The following NRDC variants were observed in gnomAD, a reference collection of about 807,000 sequenced individuals.
NRDC encodes the protein nardilysin.
Under a neutral mutation model 147.1 loss-of-function variants are expected in NRDC, and 54 were observed. That is an observed-to-expected ratio of 0.37 (90% confidence interval 0.29 to 0.46). The LOEUF (loss-of-function observed/expected upper bound fraction) is 0.46. Ranked by LOEUF, NRDC falls within the 20% of genes least tolerant of loss-of-function variation. The pLI, the probability that NRDC is intolerant of heterozygous loss-of-function variation, is 1.00. For synonymous variants in NRDC, 440 were observed against 482.1 expected, an observed-to-expected ratio of 0.91 and a Z score of 1.14; for missense variants, 1,082 against 1,370.6, an observed-to-expected ratio of 0.79 and a Z score of 3.33.
intron 9 of NRDC, among the ~76,000 whole-genome samples, chr1:51,819,344 T>C (rs1368520723): frequency 6.6e-6 from 1 of 152,056 alleles, no homozygotes; most frequent in Admixed American, 6.6e-5. Flanking sequence ...CTCTTCATGG[T>C]AAGATTTAAG....
intron 19 of NRDC, among the ~76,000 whole-genome samples, chr1:51,804,929 C>T (rs180729074): frequency 2.0e-5 from 3 of 152,238 alleles, no homozygotes; most frequent in Non-Finnish European, 2.9e-5. Flanking sequence ...GACACATTTC[C>T]GAAGTATCAA....
In NRDC at chr1:51,823,715, A is replaced by C. The variant is rs1680312955; in HGVS notation, c.1108T>G (p.Trp370Gly). 1.2e-6 allele frequency: 2 copies of C among 1,607,686 alleles called. No individual in the cohort carries two copies. The highest frequency in any genetic ancestry group is 8.5e-7 in the Non-Finnish European group (1 of 1,174,324). Reference sequence around the variant, plus strand: ...TAATGAGAAGAGTAGTAACGCATCCAGAATTCTCTCAATCTAGCATGTGTA... The same window carrying C: ...TAATGAGAAGAGTAGTAACGCATCCCGAATTCTCTCAATCTAGCATGTGTA... ...IDTHARLREF[W>G]MRYYSSHYMT... The change falls in exon 7 of 31, where the codon TGG becomes GGG. Residue 370 changes from tryptophan (W) to glycine (G), a missense_variant. Coordinates refer to ENST00000352171, the MANE Select transcript of NRDC (RefSeq NM_001101662.2).
chr1:51,874,969 T>C (rs905313476), intron 1 of NRDC, among the ~76,000 whole-genome samples: 2 of 152,212 alleles, frequency 1.3e-5, no homozygotes, highest in South Asian at 2.1e-4. Context: ...TCAAAAGATA[T>C]ATAATATGAT....
chr1:51,853,240 T>C (rs1247221692), intron 1 of NRDC, among the ~76,000 whole-genome samples: 1 of 150,234 alleles, frequency 6.7e-6, no homozygotes, highest in African/African-American at 2.4e-5. Context: ...TATATATATA[T>C]TATATAAAAG....
intron 1 of NRDC, among the ~76,000 whole-genome samples, chr1:51,863,149 C>A (rs1682637424): frequency 6.6e-6 from 1 of 151,864 alleles, no homozygotes; most frequent in African/African-American, 2.4e-5. Flanking sequence ...CACCTGTAAT[C>A]CCAGCACTTT....
In NRDC at chr1:51,841,756, G is replaced by A. The variant is rs565974730; in HGVS notation, c.342-1242C>T. 3.3e-5 allele frequency among the ~76,000 whole-genome samples: 5 copies of A among 152,272 alleles called. No homozygotes were observed. The East Asian group carries it at 9.6e-4, about 29-fold the overall frequency. On this transcript the variant is annotated intron_variant, in intron 1 of 30. Coordinates refer to ENST00000352171, the MANE Select transcript of NRDC (RefSeq NM_001101662.2). ...CACTGTCTAATAATGAGATGAGCCA[G>A]TATAATACAGAATGACAGAGATAAA... is the stretch of plus-strand genomic sequence containing the variant.
At chr1:51,811,226 C>T (rs1615838) in intron 15 of NRDC, among the ~76,000 whole-genome samples, 3,123 of 152,226 alleles carry the variant, frequency 0.021, 92 homozygotes, top group African/African-American at 0.071. Flanking sequence ...AGTTTAGGAA[C>T]GTCTATGCTA....
In NRDC at chr1:51,816,303, A is replaced by G; in HGVS notation, c.1439+9T>C. The G allele has an allele frequency of 6.4e-7, 1 of 1,568,760 alleles. No individual in the cohort carries two copies. The highest frequency in any genetic ancestry group is 1.2e-5 in the South Asian group (1 of 85,580). On this transcript the variant is annotated intron_variant, in intron 11 of 30. Coordinates refer to ENST00000352171, the MANE Select transcript of NRDC (RefSeq NM_001101662.2). ...CTATACTGAAAATACTTATTAATTG[A>G]ATACTTGCTTTTTCCTAAGGAAAGA...
chr1:51,817,956 C>T (rs1003133610), intron 10 of NRDC, 110 bp downstream of exon 10: 20 of 729,436 alleles, frequency 2.7e-5, no homozygotes, highest in Admixed American at 1.8e-4. Flanking sequence ...TCCAGGTTAC[C>T]GTATTGCTAT....
intron 1 of NRDC, among the ~76,000 whole-genome samples, chr1:51,875,824 A>G (rs903889896): frequency 2.6e-5 from 4 of 151,990 alleles, no homozygotes; most frequent in African/African-American, 9.7e-5. Context: ...AAGTGCTGGG[A>G]TTACAGGCAT....
intron 1 of NRDC, among the ~76,000 whole-genome samples, chr1:51,847,688 C>A (rs2149231496): frequency 6.6e-6 from 1 of 152,356 alleles, no homozygotes; most frequent in Non-Finnish European, 1.5e-5. Context: ...CCCACGCCCA[C>A]CTGGAACTCT....
intron 1 of NRDC, among the ~76,000 whole-genome samples, chr1:51,849,302 G>GCAGGAGAATGACTGAGA (rs1553215116): frequency 6.6e-6 from 1 of 151,944 alleles, no homozygotes; most frequent in Admixed American, 6.6e-5. Flanking sequence ...GGAGGCTGAG[G>GCAGGAGAATGACTGAGA]CAGGAGAATG....
rs772482054 is a variant in NRDC, at chr1:51,833,970, A to G, written c.866+47T>C. ...CAAGAACACTCTATTTACATTTGCA[A>G]AGTGCCATTAGATCATTAAAATTAA... is the stretch of plus-strand genomic sequence containing the variant. On this transcript the variant is annotated intron_variant, in intron 4 of 30. Transcript: ENST00000352171. The G allele has an allele frequency of 3.3e-6, 5 of 1,522,044 alleles. No homozygotes were observed. The South Asian group carries it at 4.5e-5, about 14-fold the overall frequency. 94.3% of individuals were successfully genotyped at this position (1,522,044 alleles called of 1,614,324 possible). A position where few individuals can be genotyped will look rare whatever the true frequency, so the allele number is the denominator to read the frequency against.
At position 51,792,432 on chromosome 1, in the gene NRDC, G is replaced by C. The variant is rs529322304; in HGVS notation, c.2776-8C>G. ...TAGACTCCTGGTACCTGACTGAAAA[G>C]AGAAGGTTGTCAGGCCAACTGAATA... On this transcript the variant is annotated splice_region_variant and splice_polypyrimidine_tract_variant and intron_variant, in intron 24 of 30. Transcript: ENST00000352171. 4 of 1,613,922 alleles carry C rather than the reference G, an allele frequency of 2.5e-6. No individual in the cohort carries two copies. The highest frequency in any genetic ancestry group is 3.3e-5 in the Admixed American group (2 of 60,026).
At chr1:51,830,952 T>C (rs1680680942) in intron 4 of NRDC, among the ~76,000 whole-genome samples, 1 of 152,234 alleles carries the variant, frequency 6.6e-6, no homozygotes, top group African/African-American at 2.4e-5. Flanking sequence ...TACACACGTA[T>C]AAAGGCTTTT....
At chr1:51,833,979 T>C (rs200058394) in intron 4 of NRDC, 38 bp downstream of exon 4, 10 of 1,566,056 alleles carry the variant, frequency 6.4e-6, no homozygotes, top group Non-Finnish European at 8.8e-6. Flanking sequence ...AAAGTGCCAT[T>C]AGATCATTAA....
chr1:51,862,030 T>C lies in NRDC; in HGVS notation c.341+16245A>G, dbSNP rs971279068. On this transcript the variant is annotated intron_variant, in intron 1 of 30. Coordinates refer to ENST00000352171, the MANE Select transcript of NRDC (RefSeq NM_001101662.2). ...AAATGCCAATTTTGTCTCTCCAATT[T>C]AGATGCATAGAACTGTTTATTAGAA... is the stretch of plus-strand genomic sequence containing the variant. 3 of 152,178 alleles carry C rather than the reference T, an allele frequency of 2.0e-5. No homozygotes were observed. In the East Asian group the frequency reaches 5.8e-4, roughly 29 times the overall value. 9.4% of individuals were successfully genotyped at this position (152,178 alleles called of 1,614,324 possible). A position where few individuals can be genotyped will look rare whatever the true frequency, so the allele number is the denominator to read the frequency against.
chr1:51,823,807 TTATAGA>T (rs1484359792), intron 6 of NRDC, 21 bp from the exon 7 acceptor site: 1 of 1,559,920 alleles, frequency 6.4e-7, no homozygotes, highest in South Asian at 1.2e-5. Context: ...ATGAAAAAAA[TTATAGA>T]TATAACTAAG....
chr1:51,791,979 G>T, intron 26 of NRDC, 67 bp downstream of exon 26: 1 of 1,514,976 alleles, frequency 6.6e-7, no homozygotes, highest in Non-Finnish European at 9.2e-7. Flanking sequence ...AGGGATATCT[G>T]ATGAACAGCC....
Sources: allele counts gnomAD v4.1 joint callset (sites outside exome capture counted in the v4.1 genomes callset), GRCh38; gene constraint gnomAD v4.1.1; transcripts MANE v1.5; gene names NCBI Gene and HGNC (gene_info 2026-07-23, HGNC 2026-07-21).